The following CUBN variants were observed in gnomAD, a reference collection of about 807,000 sequenced individuals.
CUBN encodes 460 kDa receptor.
A neutral mutation model predicts 405.3 loss-of-function variants in CUBN; 282 were observed. The observed-to-expected ratio is 0.70, with a 90% CI of 0.63 to 0.77. The LOEUF is 0.77. Among genes scored for constraint, CUBN ranks in the 30% least tolerant of loss-of-function variants. The pLI is 0.00. For synonymous variants in CUBN, 1,684 were observed against 1,617.0 expected (o/e 1.04, Z -0.99); for missense variants, 4,514 against 4,475.2 (o/e 1.01, Z -0.25).
intron 40 of CUBN, among the ~76,000 whole-genome samples, chr10:16,929,847 T>A (rs1842314312): frequency 6.6e-6 from 1 of 152,220 alleles, no homozygotes; most frequent in South Asian, 2.1e-4. Context: ...GTATATTTTA[T>A]CACTGGATGA....
At chr10:16,907,729 T>A in intron 48 of CUBN, 50 bp from the exon 49 acceptor site, 1 of 1,589,608 alleles carries the variant, frequency 6.3e-7, no homozygotes, top group Non-Finnish European at 8.6e-7. Flanking sequence ...TCTTACTGCA[T>A]ATTTCCTAGG....
intron 38 of CUBN, among the ~76,000 whole-genome samples, chr10:16,938,553 C>T (rs3914238): frequency 0.48 from 72,571 of 151,880 alleles, 18,798 homozygotes; most frequent in African/African-American, 0.69. Flanking sequence ...GTTTCTGGAA[C>T]TGATATGGTA....
At chr10:17,117,944 G>T (rs1324654046) in intron 6 of CUBN, among the ~76,000 whole-genome samples, 1 of 152,108 alleles carries the variant, frequency 6.6e-6, no homozygotes, top group Non-Finnish European at 1.5e-5. Flanking sequence ...CAGTCTACAG[G>T]CATTCCCCTG....
chr10:16,890,257 TCCC>T, intron 55 of CUBN, 111 bp downstream of exon 55: 1 of 948,234 alleles, frequency 1.1e-6, no homozygotes, highest in Non-Finnish European at 1.7e-6. Context: ...TGACTCATCC[TCCC>T]CGTAGACCCC....
chr10:17,102,412 G>A (rs532984275), intron 13 of CUBN, among the ~76,000 whole-genome samples: 3 of 151,022 alleles, frequency 2.0e-5, no homozygotes, highest in African/African-American at 7.3e-5. Flanking sequence ...TCAGCCTCCC[G>A]AGTACCTGAG....
chr10:17,043,159 A>G (rs1472019279), intron 26 of CUBN, among the ~76,000 whole-genome samples: 1 of 152,224 alleles, frequency 6.6e-6, no homozygotes, highest in East Asian at 1.9e-4. Context: ...ATGGGACCAC[A>G]AAGAAAAGTG....
intron 51 of CUBN, among the ~76,000 whole-genome samples, chr10:16,902,276 T>C (rs1433296693): frequency 1.4e-5 from 2 of 140,518 alleles, no homozygotes; most frequent in Non-Finnish European, 1.5e-5. Flanking sequence ...TATATTTGTA[T>C]ATATATAGTA....
chr10:16,924,178 C>T (rs556489006), intron 43 of CUBN, among the ~76,000 whole-genome samples: 1 of 152,302 alleles, frequency 6.6e-6, no homozygotes, highest in East Asian at 1.9e-4. Flanking sequence ...GACACTGCTA[C>T]TCTTGAAATG....
intron 10 of CUBN, among the ~76,000 whole-genome samples, 165 bp downstream of exon 10, chr10:17,109,475 C>A (rs1836716637): frequency 6.6e-6 from 1 of 151,960 alleles, no homozygotes; most frequent in South Asian, 2.1e-4. Flanking sequence ...TAGTTTATTA[C>A]ATATTTAAGA....
intron 65 of CUBN, 42 bp from the exon 66 acceptor site, chr10:16,829,082 T>A: frequency 6.7e-7 from 1 of 1,485,632 alleles, no homozygotes; most frequent in Non-Finnish European, 9.4e-7. Flanking sequence ...CAACAGCATA[T>A]AAGCCGTCCA....
At chr10:17,037,763 T>C (rs768045132) in intron 27 of CUBN, among the ~76,000 whole-genome samples, 2 of 152,176 alleles carry the variant, frequency 1.3e-5, no homozygotes, top group Middle Eastern at 3.2e-3. Context: ...AGCCTCAGAA[T>C]TCAGGGACCT....
intron 36 of CUBN, among the ~76,000 whole-genome samples, chr10:16,942,506 A>T (rs1480716691): frequency 6.6e-6 from 1 of 152,212 alleles, no homozygotes; most frequent in Admixed American, 6.5e-5. Context: ...TCATTAGAGA[A>T]ATGCAAATCA....
intron 22 of CUBN, among the ~76,000 whole-genome samples, chr10:17,056,012 T>C (rs559580381): frequency 1.8e-4 from 28 of 152,254 alleles, no homozygotes; most frequent in Admixed American, 1.2e-3. Flanking sequence ...GATTTTAATA[T>C]ACAATATGAA....
At chr10:16,853,684 C>A (rs559734064) in intron 59 of CUBN, among the ~76,000 whole-genome samples, 4 of 152,296 alleles carry the variant, frequency 2.6e-5, no homozygotes, top group African/African-American at 9.6e-5. Flanking sequence ...CAAAATTATT[C>A]TGAAACGTAA....
rs1213784449 is a variant in CUBN, at chr10:16,874,432, T to C, written c.9178A>G (p.Asn3060Asp). ...ATGGTATACAGACAGTGCATATCAT[T>C]TGGGTAGTCTGCGTATGAATAGGCA... ...SPAYSYADYP[N>D]DMHCLYTITV... is the part of the protein sequence containing the mutation. The change falls in exon 58 of 67, where the codon AAT (asparagine) becomes GAT (aspartate). Residue 3060 changes from asparagine to aspartate, a missense_variant. Around this residue, in one of 5 missense-constraint regions of CUBN, gnomAD observed 1,186 missense variants for 1,186.9 expected, o/e 1.00. Transcript: ENST00000377833. 1.2e-6 allele frequency: 2 copies of C among 1,614,104 alleles called. No homozygotes were observed. Among genetic ancestry groups the C allele is most frequent in the East Asian group, 2.2e-5 (1 of 44,878 alleles).
chr10:17,042,558 A>G lies in CUBN; in HGVS notation c.3829+1269T>C, dbSNP rs1404285804. On this transcript the variant is annotated intron_variant, in intron 26 of 66. Transcript: ENST00000377833. Reference sequence around the variant, plus strand: ...ATGAAAAGAAAAAAAAGAAACCCTTAAACAATCTGATTATAACCAGAAATA... The same window carrying G: ...ATGAAAAGAAAAAAAAGAAACCCTTGAACAATCTGATTATAACCAGAAATA... 4.6e-5 allele frequency among the ~76,000 whole-genome samples: 7 copies of G among 152,184 alleles called. No homozygotes were observed. In the East Asian group the frequency reaches 1.3e-3, roughly 29 times the overall value.
At chr10:17,009,819 AC>A (rs1318070795) in intron 28 of CUBN, among the ~76,000 whole-genome samples, 1 of 152,140 alleles carries the variant, frequency 6.6e-6, no homozygotes, top group Non-Finnish European at 1.5e-5. Flanking sequence ...AACATTTCTT[AC>A]CTTCTACACT....
intron 27 of CUBN, among the ~76,000 whole-genome samples, chr10:17,028,043 C>T (rs750689450): frequency 2.6e-5 from 4 of 151,944 alleles, no homozygotes; most frequent in Non-Finnish European, 4.4e-5. Flanking sequence ...CAGGGACTGA[C>T]GGTTTCATGT....
At chr10:16,884,501 A>C (rs142914144) in intron 56 of CUBN, among the ~76,000 whole-genome samples, 1 of 152,308 alleles carries the variant, frequency 6.6e-6, no homozygotes, top group East Asian at 1.9e-4. Flanking sequence ...GTTATTTAAT[A>C]ATACCAGATT....
Sources: allele counts gnomAD v4.1 joint callset (sites outside exome capture counted in the v4.1 genomes callset), GRCh38; gene constraint gnomAD v4.1.1; regional missense constraint gnomAD v4.1.1; transcripts MANE v1.5; gene names NCBI Gene and HGNC (gene_info 2026-07-23, HGNC 2026-07-21).